Variants in CAPN3 observed in about 807,000 individuals in gnomAD.
CAPN3 encodes calpain-3.
In CAPN3, 88 loss-of-function variants were observed where a neutral mutation model predicts 114.0. The ratio of observed to expected loss-of-function variants is 0.77; its 90% CI spans 0.65 to 0.92. The LOEUF (loss-of-function observed/expected upper bound fraction) is 0.92. CAPN3 is among the 40% of genes least tolerant of loss of function. CAPN3 has a pLI of 0.00. For synonymous variants in CAPN3, 386 were observed against 382.9 expected (o/e 1.01, Z -0.09); for missense variants, 1,028 against 1,069.0 (o/e 0.96, Z 0.53).
At chr15:42,366,389 C>G (rs1375844524) in intron 1 of CAPN3, among the ~76,000 whole-genome samples, 1 of 152,142 alleles carries the variant, frequency 6.6e-6, no homozygotes, top group Admixed American at 6.5e-5. Flanking sequence ...CCTCATCATC[C>G]AGGCAGAACC....
At chr15:42,398,656 TAC>T (rs781020980) in intron 9 of CAPN3, among the ~76,000 whole-genome samples, 2,150 of 147,528 alleles carry the variant, frequency 0.015, 66 homozygotes, top group African/African-American at 0.052. Flanking sequence ...CACATATATA[TAC>T]ACACACATAT....
chr15:42,383,184 G>A (rs1003594100), intron 1 of CAPN3, among the ~76,000 whole-genome samples: 4 of 152,170 alleles, frequency 2.6e-5, no homozygotes, highest in African/African-American at 9.7e-5. Context: ...AGCTCACTTG[G>A]GTATATTGGG....
At chr15:42,406,042 C>T in intron 15 of CAPN3, 99 bp downstream of exon 15, 1 of 1,039,148 alleles carries the variant, frequency 9.6e-7, no homozygotes, top group East Asian at 2.4e-5. Flanking sequence ...CATCCATGCA[C>T]CAGACTTGCC....
chr15:42,410,203 T>C (rs1322732224), intron 19 of CAPN3, among the ~76,000 whole-genome samples: 11 of 152,198 alleles, frequency 7.2e-5, no homozygotes, highest in Non-Finnish European at 7.3e-5. Context: ...CCCTAACCCC[T>C]GTGCTTCTCT....
chr15:42,377,934 T>C (rs75530675), intron 1 of CAPN3, among the ~76,000 whole-genome samples: 5,759 of 152,292 alleles, frequency 0.038, 305 homozygotes, highest in African/African-American at 0.12. Flanking sequence ...TCACCTGTTA[T>C]CAAATTTGTG....
intron 9 of CAPN3, among the ~76,000 whole-genome samples, chr15:42,397,504 C>G (rs144146990): frequency 6.6e-6 from 1 of 152,034 alleles, no homozygotes; most frequent in Admixed American, 6.6e-5. Context: ...AGTAGCCGGG[C>G]GTGGCAGCGT....
rs112499442 is a variant in CAPN3 at position 42,402,199 on chromosome 15, G to GTC, written c.1536+65_1536+66insCT. 1.9e-5 allele frequency: 31 copies of GTC among 1,611,664 alleles called. No individual in the cohort carries two copies. The African/African-American group carries it at 3.9e-4, about 20-fold the overall frequency. The stretch of plus-strand genomic sequence containing the variant: ...TACCCAGGGGGCCCCGAGTCTGTCT[G>GTC]TGGCTCGTCGAGAAGCTTCCTGGTG... On this transcript the variant is annotated intron_variant, in intron 12 of 23. Transcript: ENST00000397163.
Position 42,411,005 on chromosome 15 carries a change from G to C in CAPN3, c.2380+5G>C. ...TTAGGCTGGAGGGCATGTTCAGTAA[G>C]TGGGAGAGGGGGGCTGCCCTCTGCT... On this transcript the variant is annotated splice_donor_5th_base_variant and intron_variant, in intron 22 of 23. Coordinates refer to ENST00000397163, the MANE Select transcript of CAPN3 (RefSeq NM_000070.3). The C allele has an allele frequency of 6.2e-7, 1 of 1,603,384 alleles. No homozygotes were observed. Among genetic ancestry groups the C allele is most frequent in the East Asian group, 2.2e-5 (1 of 44,826 alleles).
chr15:42,373,164 GCC>G (rs2052999596), intron 1 of CAPN3, among the ~76,000 whole-genome samples: 13 of 152,170 alleles, frequency 8.5e-5, no homozygotes, highest in Admixed American at 7.9e-4. Flanking sequence ...CCGCACTCCA[GCC>G]TGGGTGACAG....
At position 42,374,986 on chromosome 15, in the gene CAPN3, AATTTATTTATTTATTT is replaced by A. The variant is rs71431847; in HGVS notation, c.310-9462_310-9447del. 1.4e-3 allele frequency among the ~76,000 whole-genome samples: 192 copies of A among 134,024 alleles called. 1 individual carries two copies. In the South Asian group the frequency reaches 0.018, roughly 12 times the overall value. The allele number at this position is 134,024 out of a possible 152,430, so 87.9% of individuals were successfully genotyped here. On this transcript the variant is annotated intron_variant, in intron 1 of 23. Transcript: ENST00000397163. ...CCACATTTTTATTTGTTTAAATAAA[AATTTATTTATTTATTT>A]ATTTATTTATTTATTTATTTATTTA...
In CAPN3 at chr15:42,401,705, C is replaced by A; in HGVS notation, c.1419C>A (p.Asp473Glu). The change falls in exon 11 of 24, where the codon GAC becomes GAA. Residue 473 changes from aspartate (D) to glutamate (E), a missense_variant. Transcript: ENST00000397163. ...KLLEEDDDPD[D>E]SEVICSFLVA... is the part of the protein sequence containing the mutation. ...TGGAGGAGGACGATGACCCTGATGA[C>A]TCGGAGGTGATTTGCAGCTTCCTGG... The A allele has an allele frequency of 1.2e-6, 2 of 1,614,170 alleles. No individual in the cohort carries two copies. The highest frequency in any genetic ancestry group is 2.2e-5 in the South Asian group (2 of 91,074).
At chr15:42,398,616 CACACACACACACACACACAT>C (rs2053770207) in intron 9 of CAPN3, among the ~76,000 whole-genome samples, 1 of 149,378 alleles carries the variant, frequency 6.7e-6, no homozygotes, top group African/African-American at 2.5e-5. Context: ...CACACACACA[CACACACACACACACACACAT>C]ATATATACAC....
Position 42,409,005 on chromosome 15 carries a change from G to C in CAPN3, c.1915-298G>C, listed in dbSNP as rs3115882. 281,903 of 451,950 alleles carry C rather than the reference G, an allele frequency of 0.62. 88,900 individuals are homozygous for C. Among genetic ancestry groups the C allele is most frequent in the Middle Eastern group, 0.69 (1,089 of 1,586 alleles). The allele number at this position is 451,950 out of a possible 1,614,324, so 28.0% of individuals were successfully genotyped here. On this transcript the variant is annotated intron_variant, in intron 16 of 23. Transcript: ENST00000397163. ...CCTGCGGGCACCTTTAGTTGGAATG[G>C]TCAGGCCTGGGATGGTGGAGGGGGC...
At position 42,402,135 on chromosome 15, in the gene CAPN3, G is replaced by C. The variant is rs757469887; in HGVS notation, c.1536G>C (p.Glu512Asp). Residue 512 changes from glutamate (E) to aspartate (D), a missense_variant and splice_region_variant, in exon 12 of 24, where the codon GAG (glutamate) becomes GAC (aspartate). Glu to Asp is a conservative substitution (Grantham distance 45). Transcript: ENST00000397163. Reference protein sequence around the residue: ...IGFAIYEVPKEMHGNKQHLQK... With the variant: ...IGFAIYEVPKDMHGNKQHLQK... ...TGTTTCTTCTCAAGGTTCCCAAAGA[G>C]GTATAGCAGCAGCAGCGGCCAGCAG... The C allele has an allele frequency of 1.2e-6, 2 of 1,614,096 alleles. No individual in the cohort carries two copies.
At chr15:42,402,305 A>G in intron 12 of CAPN3, 170 bp downstream of exon 12, 1 of 1,556,678 alleles carries the variant, frequency 6.4e-7, no homozygotes, top group Non-Finnish European at 8.6e-7. Context: ...AGGGCATTGC[A>G]TGACCCATGA....
intron 1 of CAPN3, among the ~76,000 whole-genome samples, chr15:42,360,641 A>T (rs2052617929): frequency 6.6e-6 from 1 of 152,216 alleles, no homozygotes; most frequent in African/African-American, 2.4e-5. Context: ...TTTCATGCAT[A>T]AAATGTTGGG....
At chr15:42,410,687 G>T in intron 21 of CAPN3, 21 bp downstream of exon 21, 1 of 1,602,260 alleles carries the variant, frequency 6.2e-7, no homozygotes, top group Non-Finnish European at 8.5e-7. Flanking sequence ...GGAAGGGGTG[G>T]CAGGGATGTG....
intron 10 of CAPN3, among the ~76,000 whole-genome samples, chr15:42,399,879 C>T (rs1248106295): frequency 1.3e-5 from 2 of 152,172 alleles, no homozygotes; most frequent in Non-Finnish European, 2.9e-5. Context: ...GCTTGACTTA[C>T]GATGAGGTTA....
intron 5 of CAPN3, among the ~76,000 whole-genome samples, chr15:42,389,332 C>G (rs1447539662): frequency 6.6e-6 from 1 of 152,180 alleles, no homozygotes; most frequent in Non-Finnish European, 1.5e-5. Flanking sequence ...CAGTGGAAAT[C>G]AGTCCAGAGG....
Sources: gnomAD v4.1 joint callset for allele counts (sites outside exome capture counted in the v4.1 genomes callset) on GRCh38, gnomAD v4.1.1 for gene constraint, MANE v1.5 for transcripts, NCBI Gene and HGNC (gene_info 2026-07-23, HGNC 2026-07-21) for gene names.